THOC2: variants seen among roughly 807,000 people sequenced by gnomAD.
THOC2 encodes the protein THO complex 2.
A neutral mutation model predicts 128.4 loss-of-function variants in THOC2; 10 were observed. That is an observed-to-expected ratio of 0.08 (90% confidence interval 0.05 to 0.13). The LOEUF (loss-of-function observed/expected upper bound fraction) is 0.13, where lower values mean the gene tolerates loss of function less well. THOC2 is among the 10% of genes least tolerant of loss of function. THOC2 has a pLI of 1.00. For synonymous variants in THOC2, 393 were observed against 396.9 expected (o/e 0.99, Z 0.12); for missense variants, 535 against 1,155.7 (o/e 0.46, Z 7.79).
intron 3 of THOC2, among the ~76,000 whole-genome samples, chrX:123,704,305 C>A (rs2050835825): frequency 9.0e-6 from 1 of 111,670 alleles, no homozygotes; most frequent in African/African-American, 3.3e-5. Context: ...AAACAGAAAT[C>A]TTGAAAATAC....
chrX:123,721,310 T>A (rs1426096613), intron 1 of THOC2, among the ~76,000 whole-genome samples: 4 of 108,882 alleles, frequency 3.7e-5, no homozygotes, highest in Non-Finnish European at 7.6e-5. Context: ...GTAGCTGGGA[T>A]TACAGGTGTG....
chrX:123,666,374 C>A (rs983438837), intron 11 of THOC2, among the ~76,000 whole-genome samples: 7 of 111,503 alleles, frequency 6.3e-5, no homozygotes, highest in African/African-American at 2.3e-4. Flanking sequence ...CTTTAGGACA[C>A]CATACCCAGA....
chrX:123,724,453 G>A (rs1165488317), intron 1 of THOC2, among the ~76,000 whole-genome samples: 1 of 112,221 alleles, frequency 8.9e-6, no homozygotes, highest in African/African-American at 3.2e-5. Context: ...GGGAGGCTAA[G>A]GTGGGTGGAT....
intron 38 of THOC2, among the ~76,000 whole-genome samples, chrX:123,606,471 G>T (rs1235990246): frequency 9.1e-6 from 1 of 110,420 alleles, no homozygotes; most frequent in African/African-American, 3.3e-5. Flanking sequence ...GCACATGCCT[G>T]TAATCCCAGC....
intron 12 of THOC2, among the ~76,000 whole-genome samples, chrX:123,661,752 A>G (rs1055810509): frequency 8.9e-6 from 1 of 112,096 alleles, no homozygotes; most frequent in Non-Finnish European, 1.9e-5. Context: ...AGATTTCTTT[A>G]GAGTACCTTT....
rs1569340863 is a variant in THOC2 at position 123,627,768 on chromosome X, A to T, written c.2682T>A (p.Val894=). The change falls in exon 23 of 39, where the codon GTT becomes GTA. Residue 894 remains valine, a synonymous_variant. Transcript: ENST00000245838. ...FWSLTMYDLA[V]PHTSYEREVN... is the part of the protein sequence containing the mutation. Reference sequence around the variant, plus strand: ...CTTCTCGTTCATAGCTGGTGTGTGGAACTGCAAGGTCATACATTGTCAATG... The same window carrying T: ...CTTCTCGTTCATAGCTGGTGTGTGGTACTGCAAGGTCATACATTGTCAATG... 1 of 1,211,146 alleles carries T rather than the reference A, an allele frequency of 8.3e-7. No individual in the cohort carries two copies. Among genetic ancestry groups the T allele is most frequent in the Admixed American group, 2.2e-5 (1 of 46,012 alleles).
At chrX:123,621,073 A>T in intron 31 of THOC2, 84 bp downstream of exon 31, 2 of 1,177,228 alleles carry the variant, frequency 1.7e-6, no homozygotes, top group South Asian at 3.9e-5. Flanking sequence ...AAACCCCTAT[A>T]TAACTTACCA....
chrX:123,605,741 G>C (rs771645473), intron 38 of THOC2, among the ~76,000 whole-genome samples: 4 of 111,412 alleles, frequency 3.6e-5, no homozygotes, highest in Non-Finnish European at 7.5e-5. Flanking sequence ...ATAAGCCTCA[G>C]AATGGCAATG....
At chrX:123,694,563 G>A (rs926708519) in intron 7 of THOC2, among the ~76,000 whole-genome samples, 5 of 107,288 alleles carry the variant, frequency 4.7e-5, no homozygotes, top group Admixed American at 2.0e-4. Context: ...AGCTGGGATT[G>A]CGCCACTGCA....
rs572627893 is a variant in THOC2 at position 123,668,149 on chromosome X, A to C, written c.1017+10T>G. On this transcript the variant is annotated intron_variant, in intron 10 of 38. Coordinates refer to ENST00000245838, the MANE Select transcript of THOC2 (RefSeq NM_001081550.2). Reference sequence around the variant, plus strand: ...AGATAGTGTTAATTTTACTAGAATGAATTACATACTTTCTCTACTTTCTCC... The same window carrying C: ...AGATAGTGTTAATTTTACTAGAATGCATTACATACTTTCTCTACTTTCTCC... 8.5e-5 allele frequency: 97 copies of C among 1,146,487 alleles called. 1 individual carries two copies. In the South Asian group the frequency reaches 2.0e-3, roughly 23 times the overall value. The allele number at this position is 1,146,487 out of a possible 1,213,427, so 94.5% of individuals were successfully genotyped here.
At chrX:123,641,257 C>T (rs1333773379) in intron 15 of THOC2, among the ~76,000 whole-genome samples, 1 of 112,000 alleles carries the variant, frequency 8.9e-6, no homozygotes, top group Non-Finnish European at 1.9e-5. Flanking sequence ...AATTATTACA[C>T]AGAATCTTAA....
chrX:123,609,846 T>C (rs1053319181), intron 38 of THOC2, among the ~76,000 whole-genome samples: 9 of 109,739 alleles, frequency 8.2e-5, no homozygotes, highest in African/African-American at 2.7e-4. Flanking sequence ...CTAGCCAACA[T>C]GGTGAAACCC....
intron 1 of THOC2, among the ~76,000 whole-genome samples, chrX:123,728,376 T>C: frequency 9.0e-6 from 1 of 111,721 alleles, no homozygotes; most frequent in Non-Finnish European, 1.9e-5. Context: ...TAGTAGCCTA[T>C]ACAACCTCCT....
chrX:123,638,727 TACACACACACACAC>T (rs753366301), intron 17 of THOC2, among the ~76,000 whole-genome samples, 193 bp downstream of exon 17: 4 of 81,410 alleles, frequency 4.9e-5, no homozygotes, highest in African/African-American at 1.8e-4. Flanking sequence ...GACACACACG[TACACACACACACAC>T]ACACACACAC....
intron 12 of THOC2, among the ~76,000 whole-genome samples, chrX:123,655,817 T>C (rs181569449): frequency 9.9e-5 from 11 of 111,555 alleles, no homozygotes; most frequent in African/African-American, 3.3e-4. Context: ...TAGCCACATA[T>C]ACAGTCTTTC....
chrX:123,617,449 C>G (rs961973884), intron 33 of THOC2, among the ~76,000 whole-genome samples: 2 of 110,780 alleles, frequency 1.8e-5, no homozygotes, highest in Admixed American at 9.6e-5. Flanking sequence ...TTTTAAAAAC[C>G]AAGGCAAGCA....
rs568286914 is a variant in THOC2, at chrX:123,701,075, G to A, written c.274+2379C>T. 8.6e-4 allele frequency among the ~76,000 whole-genome samples: 95 copies of A among 110,429 alleles called. 1 individual carries two copies. Among genetic ancestry groups the A allele is most frequent in the African/African-American group, 1.2e-3 (37 of 30,348 alleles). On this transcript the variant is annotated intron_variant, in intron 4 of 38. Transcript: ENST00000245838. ...CTTATAAAAATGGACTGGATAGGCC[G>A]GGCACGGTAGCTCACGCCTATAATC...
At chrX:123,725,445 T>C (rs866613656) in intron 1 of THOC2, among the ~76,000 whole-genome samples, 1 of 74,869 alleles carries the variant, frequency 1.3e-5, no homozygotes, top group Admixed American at 1.5e-4. Flanking sequence ...AAAAAAAAAA[T>C]AGAAAAAAAA....
intron 12 of THOC2, among the ~76,000 whole-genome samples, chrX:123,647,181 T>C (rs2048161046): frequency 9.0e-6 from 1 of 111,729 alleles, no homozygotes; most frequent in Non-Finnish European, 1.9e-5. Flanking sequence ...TAAAACCATC[T>C]AGAAGAGCAG....
Sources: allele counts gnomAD v4.1 joint callset (sites outside exome capture counted in the v4.1 genomes callset), GRCh38; gene constraint gnomAD v4.1.1; transcripts MANE v1.5; gene names NCBI Gene and HGNC (gene_info 2026-07-23, HGNC 2026-07-21).